NAV3: variants seen among roughly 807,000 people sequenced by gnomAD.
NAV3 encodes pore membrane and/or filament interacting like protein 1.
A neutral mutation model predicts 244.7 loss-of-function variants in NAV3; 87 were observed. That is an observed-to-expected ratio of 0.36 (90% CI 0.30 to 0.42). The LOEUF (loss-of-function observed/expected upper bound fraction) is 0.42, where lower values mean the gene tolerates loss of function less well. Ranked by LOEUF, NAV3 falls within the 20% of genes least tolerant of loss-of-function variation. The probability of loss-of-function intolerance (pLI) is 1.00; values close to 1 mark genes in which losing one functional copy is unlikely to be tolerated. For missense variants in NAV3, 2,663 were observed against 2,893.3 expected, an observed-to-expected ratio of 0.92 and a Z score of 1.83; for synonymous variants, 1,126 against 1,042.2, an observed-to-expected ratio of 1.08 and a Z score of -1.55.
intron 2 of NAV3, among the ~76,000 whole-genome samples, chr12:77,657,455 G>A (rs1296094213): frequency 6.6e-6 from 1 of 152,168 alleles, no homozygotes; most frequent in Admixed American, 6.5e-5. Context: ...TGAAATTGTG[G>A]CAATAATCAA....
chr12:77,731,524 T>C (rs1207438392), intron 2 of NAV3, among the ~76,000 whole-genome samples: 3 of 152,000 alleles, frequency 2.0e-5, no homozygotes, highest in Non-Finnish European at 2.9e-5. Flanking sequence ...CAAATTGTGA[T>C]TGGCAAATTC....
chr12:77,886,076 G>A (rs75095040), intron 1 of NAV3, among the ~76,000 whole-genome samples: 1,697 of 152,134 alleles, frequency 0.011, 31 homozygotes, highest in African/African-American at 0.039. Flanking sequence ...CTTGTTGGTA[G>A]TCGATAGTCT....
intron 1 of NAV3, among the ~76,000 whole-genome samples, chr12:77,938,320 A>C (rs1048037650): frequency 1.3e-5 from 2 of 152,198 alleles, no homozygotes; most frequent in Non-Finnish European, 2.9e-5. Flanking sequence ...ATTATTACCA[A>C]ATAAAAGCAT....
chr12:77,873,084 A>G (rs893519731), intron 1 of NAV3, among the ~76,000 whole-genome samples: 3 of 152,146 alleles, frequency 2.0e-5, no homozygotes, highest in African/African-American at 7.2e-5. Context: ...CCCAACACAC[A>G]TGCTCTTGGC....
intron 2 of NAV3, among the ~76,000 whole-genome samples, chr12:77,755,463 T>C (rs1168312813): frequency 6.6e-6 from 1 of 151,048 alleles, no homozygotes; most frequent in Non-Finnish European, 1.5e-5. Context: ...TCTTTTTTCT[T>C]TTCCTTCCTT....
intron 3 of NAV3, among the ~76,000 whole-genome samples, chr12:77,948,902 G>A (rs931544548): frequency 1.3e-5 from 2 of 151,698 alleles, no homozygotes; most frequent in African/African-American, 2.4e-5. Flanking sequence ...ATAAAATAGG[G>A]AAACTCTTGT....
At chr12:77,751,251 G>A (rs1868837605) in intron 2 of NAV3, among the ~76,000 whole-genome samples, 1 of 152,138 alleles carries the variant, frequency 6.6e-6, no homozygotes, top group Admixed American at 6.6e-5. Flanking sequence ...AAAAATACTA[G>A]CCTCTTTGTA....
intron 2 of NAV3, among the ~76,000 whole-genome samples, chr12:77,771,535 C>G (rs1419207214): frequency 6.6e-6 from 1 of 152,092 alleles, no homozygotes; most frequent in African/African-American, 2.4e-5. Context: ...CAATGATAGA[C>G]TAGATTAAGA....
chr12:77,899,194 A>G (rs1369729605), intron 1 of NAV3, among the ~76,000 whole-genome samples: 1 of 152,374 alleles, frequency 6.6e-6, no homozygotes, highest in South Asian at 2.1e-4. Context: ...AATGACAAAA[A>G]GGATTTACAG....
chr12:77,705,075 G>A (rs1289734576), intron 2 of NAV3, among the ~76,000 whole-genome samples: 4 of 152,170 alleles, frequency 2.6e-5, no homozygotes, highest in African/African-American at 4.8e-5. Flanking sequence ...TAACATTCAT[G>A]TATTGTATTA....
intron 2 of NAV3, among the ~76,000 whole-genome samples, chr12:77,819,221 C>A (rs920575434): frequency 1.3e-5 from 2 of 151,906 alleles, no homozygotes; most frequent in African/African-American, 4.8e-5. Flanking sequence ...TTTATGAGAA[C>A]AATAGGAACT....
chr12:77,692,044 C>A (rs1229696219), intron 2 of NAV3, among the ~76,000 whole-genome samples: 1 of 151,912 alleles, frequency 6.6e-6, no homozygotes, highest in African/African-American at 2.4e-5. Flanking sequence ...CCAGATGATA[C>A]CCTGTATTTG....
At chr12:78,177,040 C>A in intron 26 of NAV3, 101 bp from the exon 27 acceptor site, 2 of 1,128,848 alleles carry the variant, frequency 1.8e-6, no homozygotes, top group South Asian at 1.3e-5. Flanking sequence ...TACATACTGA[C>A]CCCAGGCAGT....
intron 2 of NAV3, among the ~76,000 whole-genome samples, chr12:77,636,302 CAAAAATACA>C (rs1322095688): frequency 2.6e-5 from 4 of 151,338 alleles, no homozygotes; most frequent in Non-Finnish European, 5.9e-5. Context: ...CTGGCTCTAC[CAAAAATACA>C]AAAAATTAGC....
intron 25 of NAV3, among the ~76,000 whole-genome samples, chr12:78,176,057 A>G (rs1252135855): frequency 1.3e-5 from 2 of 152,020 alleles, no homozygotes; most frequent in African/African-American, 4.8e-5. Context: ...TGTCTGCTTG[A>G]TGTTTTTAAC....
chr12:77,595,493 T>C (rs773560499), intron 2 of NAV3, among the ~76,000 whole-genome samples: 4 of 152,106 alleles, frequency 2.6e-5, no homozygotes, highest in Non-Finnish European at 4.4e-5. Context: ...AATAATCGTA[T>C]TGTATACTCA....
rs539412307 is a variant in NAV3, at chr12:77,723,313, T to A, written c.72+151047T>A. ...TCTGTATGCCTTAACAACTTTTCAG[T>A]TTTGCAAAACTATAATAATTAATTC... On this transcript the variant is annotated intron_variant, in intron 2 of 8. Coordinates refer to the NAV3 transcript ENST00000550042. Among the ~76,000 whole-genome samples, 3 of 151,932 alleles carry A rather than the reference T, an allele frequency of 2.0e-5. No homozygotes were observed. In the East Asian group the frequency reaches 5.8e-4, roughly 30 times the overall value.
chr12:78,102,070 T>A lies in NAV3; in HGVS notation c.2637-14702T>A, dbSNP rs529804731. ...AGTTTTCCTCTGAAAACAAGAAACA[T>A]ACCCAGAAGTTTTCACGAAATGGTC... is the stretch of plus-strand genomic sequence containing the variant. On this transcript the variant is annotated intron_variant, in intron 12 of 39. Coordinates refer to ENST00000397909, the MANE Select transcript of NAV3 (RefSeq NM_001024383.2). Among the ~76,000 whole-genome samples the A allele has an allele frequency of 2.8e-4, 42 of 152,238 alleles. 1 individual carries two copies. The South Asian group carries it at 7.7e-3, about 28-fold the overall frequency.
At chr12:77,841,882 A>G (rs903776737) in intron 1 of NAV3, among the ~76,000 whole-genome samples, 2 of 152,158 alleles carry the variant, frequency 1.3e-5, no homozygotes, top group Non-Finnish European at 2.9e-5. Flanking sequence ...GGAATTCCAC[A>G]TATCACTTCC....
Sources: gnomAD v4.1 joint callset for allele counts (sites outside exome capture counted in the v4.1 genomes callset) on GRCh38, gnomAD v4.1.1 for gene constraint, MANE v1.5 for transcripts, NCBI Gene and HGNC (gene_info 2026-07-23, HGNC 2026-07-21) for gene names.